The following RABGAP1L variants were observed in gnomAD, a reference collection of about 807,000 sequenced individuals.
RABGAP1L encodes RAB GTPase activating protein 1 like.
RABGAP1L carries 63 observed loss-of-function variants against 137.7 expected under a neutral mutation model. The ratio of observed to expected loss-of-function variants is 0.46; its 90% CI spans 0.37 to 0.56. The LOEUF (loss-of-function observed/expected upper bound fraction) is 0.56. Ranked by LOEUF, RABGAP1L falls within the 20% of genes least tolerant of loss-of-function variation. The pLI is 0.00. For missense variants in RABGAP1L, 1,095 were observed against 1,244.0 expected (o/e 0.88, Z 1.80); for synonymous variants, 431 against 433.7 (o/e 0.99, Z 0.08).
At chr1:174,349,689 A>C (rs1408203957) in intron 11 of RABGAP1L, among the ~76,000 whole-genome samples, 242 of 66,806 alleles carry the variant, frequency 3.6e-3, no homozygotes, top group East Asian at 0.012. Context: ...TGGGGCTGAC[A>C]CCCCCACCTC....
chr1:174,412,743 A>T (rs530619007), intron 13 of RABGAP1L, among the ~76,000 whole-genome samples: 1 of 152,224 alleles, frequency 6.6e-6, no homozygotes, highest in East Asian at 1.9e-4. Context: ...AGAATATGAA[A>T]TTCTTAGTTG....
chr1:174,209,974 C>T lies in RABGAP1L; in HGVS notation c.-33-9151C>T, dbSNP rs372378997. 4.6e-5 allele frequency among the ~76,000 whole-genome samples: 7 copies of T among 152,200 alleles called. No individual in the cohort carries two copies. In the East Asian group the frequency reaches 7.7e-4, roughly 17 times the overall value. ...TCTGCCTGGTAATCAAGAGAATTCTCCCAGATCTCTTACGCAAGACCGTCA... is the reference window on the plus strand; with the variant it reads ...TCTGCCTGGTAATCAAGAGAATTCTTCCAGATCTCTTACGCAAGACCGTCA... On this transcript the variant is annotated intron_variant, in intron 1 of 25. Transcript: ENST00000681986.
At chr1:174,406,854 T>C (rs1464954986) in intron 13 of RABGAP1L, among the ~76,000 whole-genome samples, 1 of 152,214 alleles carries the variant, frequency 6.6e-6, no homozygotes, top group Non-Finnish European at 1.5e-5. Flanking sequence ...CAGTGAGCTG[T>C]GATTGTGCCA....
intron 18 of RABGAP1L, among the ~76,000 whole-genome samples, chr1:174,762,290 C>T (rs1685289821): frequency 6.6e-6 from 1 of 152,212 alleles, no homozygotes; most frequent in African/African-American, 2.4e-5. Context: ...TTCCCTCCCT[C>T]TCATTTGCAC....
At chr1:174,807,084 G>A (rs1210858589) in intron 18 of RABGAP1L, among the ~76,000 whole-genome samples, 1 of 152,132 alleles carries the variant, frequency 6.6e-6, no homozygotes, top group Non-Finnish European at 1.5e-5. Flanking sequence ...ACCATGCCTG[G>A]CCTGTAAAGC....
chr1:174,175,643 T>G (rs1304060309), intron 1 of RABGAP1L, among the ~76,000 whole-genome samples: 1 of 145,420 alleles, frequency 6.9e-6, no homozygotes, highest in Non-Finnish European at 1.5e-5. Context: ...TTTTTTTTTT[T>G]GAGACGGAGT....
At chr1:174,870,699 A>G (rs1044392863) in intron 19 of RABGAP1L, among the ~76,000 whole-genome samples, 1 of 152,018 alleles carries the variant, frequency 6.6e-6, no homozygotes, top group Non-Finnish European at 1.5e-5. Flanking sequence ...TTTAGGACAT[A>G]GTGAATACTT....
At chr1:174,550,983 C>CATATATATATACACATATATAT (rs1422356201) in intron 13 of RABGAP1L, among the ~76,000 whole-genome samples, 4 of 83,426 alleles carry the variant, frequency 4.8e-5, no homozygotes, top group African/African-American at 3.9e-4. Flanking sequence ...TGTATATATA[C>CATATATATATACACATATATAT]ATATATATAT....
intron 11 of RABGAP1L, among the ~76,000 whole-genome samples, chr1:174,316,069 C>T (rs1370853645): frequency 3.9e-5 from 6 of 152,274 alleles, no homozygotes; most frequent in African/African-American, 9.6e-5. Flanking sequence ...TCAGCTCCAG[C>T]GTTTCTGCTT....
intron 19 of RABGAP1L, among the ~76,000 whole-genome samples, chr1:174,852,212 A>G (rs1187529373): frequency 6.6e-6 from 1 of 152,182 alleles, no homozygotes; most frequent in Non-Finnish European, 1.5e-5. Flanking sequence ...AGGTTTCTGA[A>G]GAGTGTCGGA....
chr1:174,966,475 T>TA (rs1478368206), intron 20 of RABGAP1L, among the ~76,000 whole-genome samples: 1 of 152,222 alleles, frequency 6.6e-6, no homozygotes, highest in Non-Finnish European at 1.5e-5. Flanking sequence ...TCTTTTTTTT[T>TA]AATCTAAGTT....
At chr1:174,853,975 T>C (rs1648824691) in intron 19 of RABGAP1L, among the ~76,000 whole-genome samples, 1 of 152,206 alleles carries the variant, frequency 6.6e-6, no homozygotes, top group African/African-American at 2.4e-5. Context: ...TTACAACAGA[T>C]GTGACAGAGG....
intron 13 of RABGAP1L, among the ~76,000 whole-genome samples, chr1:174,403,344 C>T (rs1234214081): frequency 6.6e-6 from 1 of 151,026 alleles, no homozygotes; most frequent in Non-Finnish European, 1.5e-5. Flanking sequence ...TGGCTCTTCA[C>T]AGGTGTGATC....
intron 12 of RABGAP1L, among the ~76,000 whole-genome samples, chr1:174,385,029 C>T (rs1686633514): frequency 6.6e-6 from 1 of 152,134 alleles, no homozygotes; most frequent in Non-Finnish European, 1.5e-5. Flanking sequence ...TTGATCATGT[C>T]ATGGTGAGAT....
chr1:174,419,287 G>C (rs918808720), intron 13 of RABGAP1L, among the ~76,000 whole-genome samples: 1 of 152,180 alleles, frequency 6.6e-6, no homozygotes, highest in African/African-American at 2.4e-5. Flanking sequence ...ATCTGGGATA[G>C]AGCTTGGGAT....
At chr1:174,805,954 A>G (rs1259759566) in intron 18 of RABGAP1L, among the ~76,000 whole-genome samples, 1 of 152,158 alleles carries the variant, frequency 6.6e-6, no homozygotes, top group African/African-American at 2.4e-5. Flanking sequence ...TTGCATTTTC[A>G]TTATTTTACT....
intron 10 of RABGAP1L, among the ~76,000 whole-genome samples, chr1:174,287,588 G>C (rs1676177116): frequency 6.6e-6 from 1 of 152,114 alleles, no homozygotes; most frequent in South Asian, 2.1e-4. Context: ...CATCTCCTGG[G>C]TTCAAGTGAT....
At chr1:174,795,013 T>A (rs1688140889) in intron 18 of RABGAP1L, among the ~76,000 whole-genome samples, 1 of 152,152 alleles carries the variant, frequency 6.6e-6, no homozygotes, top group African/African-American at 2.4e-5. Context: ...AGTGGAGTGG[T>A]TCAGGAAGAG....
At chr1:174,425,348 T>G (rs961201149) in intron 13 of RABGAP1L, among the ~76,000 whole-genome samples, 1 of 151,992 alleles carries the variant, frequency 6.6e-6, no homozygotes, top group Non-Finnish European at 1.5e-5. Flanking sequence ...ATGCTTCAGG[T>G]GGTAAGCATG....
Sources: gnomAD v4.1 joint callset for allele counts (sites outside exome capture counted in the v4.1 genomes callset) on GRCh38, gnomAD v4.1.1 for gene constraint, MANE v1.5 for transcripts, NCBI Gene and HGNC (gene_info 2026-07-23, HGNC 2026-07-21) for gene names.